PPP1R1C: variants seen among roughly 807,000 people sequenced by gnomAD.
PPP1R1C encodes the protein protein phosphatase 1 regulatory subunit 1C.
In PPP1R1C, 15 loss-of-function variants were observed where a neutral mutation model predicts 17.4. That is an observed-to-expected ratio of 0.86 (90% CI 0.58 to 1.33). The LOEUF (loss-of-function observed/expected upper bound fraction) is 1.33. Ranked by LOEUF, PPP1R1C falls within the 40% of genes most tolerant of loss-of-function variation. The pLI is 0.00. For synonymous variants in PPP1R1C, 35 were observed against 43.1 expected (o/e 0.81, Z 0.73); for missense variants, 143 against 130.0 (o/e 1.10, Z -0.48).
At chr2:182,119,928 GT>G (rs1488957019), downstream of PPP1R1C, among the ~76,000 whole-genome samples, 1 of 152,124 alleles carries the variant, frequency 6.6e-6, no homozygotes, top group East Asian at 1.9e-4. Context: ...CCATTTGTCA[GT>G]TTTGGCTTTT....
In PPP1R1C at chr2:181,986,057, T is replaced by C; in HGVS notation, c.-54T>C. Reference sequence around the variant, plus strand: ...TGAGGAAACACATCCCGGACACCACTTAGGGTTAGTCTTTCTGAGCTCTTC... The same window carrying C: ...TGAGGAAACACATCCCGGACACCACCTAGGGTTAGTCTTTCTGAGCTCTTC... On this transcript the variant is annotated 5_prime_UTR_variant, in exon 1 of 5. Transcript: ENST00000682840. The C allele has an allele frequency of 7.1e-7, 1 of 1,402,790 alleles. No individual in the cohort carries two copies. The highest frequency in any genetic ancestry group is 1.0e-6 in the Non-Finnish European group (1 of 987,502). 86.9% of individuals were successfully genotyped at this position (1,402,790 alleles called of 1,614,324 possible). A position where few individuals can be genotyped will look rare whatever the true frequency, so the allele number is the denominator to read the frequency against.
chr2:181,998,576 G>C (rs950112747), intron 2 of PPP1R1C, among the ~76,000 whole-genome samples: 1 of 152,182 alleles, frequency 6.6e-6, no homozygotes, highest in Non-Finnish European at 1.5e-5. Flanking sequence ...GCTGAGGCTT[G>C]ATTAAAAGGA....
chr2:182,096,996 C>A (rs924404931), intron 4 of PPP1R1C, among the ~76,000 whole-genome samples: 1 of 152,160 alleles, frequency 6.6e-6, no homozygotes, highest in Admixed American at 6.5e-5. Context: ...GACTGGAATC[C>A]TAAAACTGGG....
At chr2:182,126,460 A>G (rs533946695) in intron 5 of PPP1R1C, among the ~76,000 whole-genome samples, 27 of 152,168 alleles carry the variant, frequency 1.8e-4, no homozygotes, top group African/African-American at 5.8e-4. Context: ...TTAAATTGTT[A>G]GATTTTATAA....
intron 4 of PPP1R1C, among the ~76,000 whole-genome samples, chr2:182,071,832 A>G (rs1268981264): frequency 2.0e-5 from 3 of 152,124 alleles, no homozygotes; most frequent in Non-Finnish European, 4.4e-5. Context: ...AACTTTTTCC[A>G]TTGACTCCTG....
chr2:182,063,036 G>A (rs1351473722), intron 3 of PPP1R1C, among the ~76,000 whole-genome samples: 1 of 151,956 alleles, frequency 6.6e-6, no homozygotes, highest in Non-Finnish European at 1.5e-5. Context: ...CCATTATATA[G>A]GGCTCTGTAT....
At chr2:182,112,486 A>G (rs1157213200) in intron 4 of PPP1R1C, among the ~76,000 whole-genome samples, 1 of 152,156 alleles carries the variant, frequency 6.6e-6, no homozygotes, top group African/African-American at 2.4e-5. Context: ...TTGAGTCACC[A>G]TAGTTTTCTC....
At chr2:182,035,231 A>T (rs779645420) in intron 2 of PPP1R1C, among the ~76,000 whole-genome samples, 2 of 152,236 alleles carry the variant, frequency 1.3e-5, no homozygotes, top group Non-Finnish European at 2.9e-5. Flanking sequence ...AGTTTATAGC[A>T]TGAATGAATG....
intron 2 of PPP1R1C, among the ~76,000 whole-genome samples, chr2:182,002,402 G>A (rs1356347864): frequency 6.6e-6 from 1 of 151,906 alleles, no homozygotes; most frequent in Non-Finnish European, 1.5e-5. Flanking sequence ...AATAAAAAAC[G>A]ATTACCTGCT....
At chr2:182,108,954 G>T (rs991613939) in intron 4 of PPP1R1C, among the ~76,000 whole-genome samples, 1 of 152,154 alleles carries the variant, frequency 6.6e-6, no homozygotes, top group Non-Finnish European at 1.5e-5. Context: ...TCTCAAAGTT[G>T]CTGTACTATT....
At chr2:182,100,403 G>A (rs957845261) in intron 4 of PPP1R1C, among the ~76,000 whole-genome samples, 10 of 151,946 alleles carry the variant, frequency 6.6e-5, no homozygotes, top group Admixed American at 1.3e-4. Flanking sequence ...CCAGCTACTC[G>A]GGAGGCTGAG....
At chr2:182,124,327 G>GTTTTTTTTTTTTTTTTTTTTTTTTTTTT (rs1294464668) in intron 5 of PPP1R1C, among the ~76,000 whole-genome samples, 22 of 82,978 alleles carry the variant, frequency 2.7e-4, no homozygotes, top group Non-Finnish European at 3.4e-4. Context: ...TTTTTTTTTT[G>GTTTTTTTTTTTTTTTTTTTTTTTTTTTT]TTTTTTTTTT....
intron 2 of PPP1R1C, among the ~76,000 whole-genome samples, chr2:182,028,955 A>G (rs1169529774): frequency 7.7e-6 from 1 of 129,048 alleles, no homozygotes; most frequent in Non-Finnish European, 1.7e-5. Context: ...TGATCCCTTT[A>G]CCATTATGTA....
At position 181,961,999 on chromosome 2, in the gene PPP1R1C, T is replaced by C; in HGVS notation, n.111+7365T>C. 4.1e-6 allele frequency: 3 copies of C among 732,412 alleles called. No individual in the cohort carries two copies. The highest frequency in any genetic ancestry group is 2.5e-6 in the Non-Finnish European group (1 of 396,458). 45.4% of individuals were successfully genotyped at this position (732,412 alleles called of 1,614,324 possible). ...CATACTTGACTCTAAAGTCATCGGC[T>C]GCAAGACAGGCATTGTCAATCTGCA... On this transcript the variant is annotated intron_variant and non_coding_transcript_variant, in intron 1 of 5. Coordinates refer to the PPP1R1C transcript ENST00000464264. This position sits in a 1 kb window ranked among gnomAD's most constrained non-coding sequence, Gnocchi z 5.8.
Position 181,957,975 on chromosome 2 carries a change from A to C in PPP1R1C, n.111+3341A>C, listed in dbSNP as rs930884791. ...TAATTCCTAAGAGGGACTGAGTAATAATGAAAGTAGATTGAAGTATTTTGA... is the reference window on the plus strand; with the variant it reads ...TAATTCCTAAGAGGGACTGAGTAATCATGAAAGTAGATTGAAGTATTTTGA... On this transcript the variant is annotated intron_variant and non_coding_transcript_variant, in intron 1 of 5. Coordinates refer to the PPP1R1C transcript ENST00000464264. This position sits in a 1 kb window ranked among gnomAD's most constrained non-coding sequence, Gnocchi z 4.2. Among the ~76,000 whole-genome samples, 3 of 152,212 alleles carry C rather than the reference A, an allele frequency of 2.0e-5. No individual in the cohort carries two copies. Among genetic ancestry groups the C allele is most frequent in the Non-Finnish European group, 4.4e-5 (3 of 68,036 alleles).
intron 1 of PPP1R1C, among the ~76,000 whole-genome samples, chr2:181,955,388 T>A (rs890004478): frequency 3.3e-5 from 5 of 152,128 alleles, no homozygotes; most frequent in African/African-American, 1.2e-4. Context: ...CAAATACAAT[T>A]TTTTTTTCCA....
intron 2 of PPP1R1C, among the ~76,000 whole-genome samples, chr2:182,056,746 TTA>T (rs904855364): frequency 6.6e-6 from 1 of 152,188 alleles, no homozygotes; most frequent in African/African-American, 2.4e-5. Flanking sequence ...TTCTGTAAAA[TTA>T]TATGTTTGAT....
chr2:182,011,606 A>G (rs1395038831), intron 2 of PPP1R1C, among the ~76,000 whole-genome samples: 1 of 151,728 alleles, frequency 6.6e-6, no homozygotes, highest in African/African-American at 2.4e-5. Context: ...CATTTGTTTC[A>G]ATTCCATTTT....
In PPP1R1C at chr2:181,978,564, G is replaced by A. The variant is rs562149104; in HGVS notation, n.157+3300G>A. 8.7e-4 allele frequency among the ~76,000 whole-genome samples: 132 copies of A among 152,306 alleles called. 1 individual carries two copies. Among genetic ancestry groups the A allele is most frequent in the African/African-American group, 3.0e-3 (126 of 41,570 alleles). Reference sequence around the variant, plus strand: ...GTGCCCACTGGAGTACTCACAGGTGGTCTCCATGTGGCTTTGCCTTCTTCA... The same window carrying A: ...GTGCCCACTGGAGTACTCACAGGTGATCTCCATGTGGCTTTGCCTTCTTCA... On this transcript the variant is annotated intron_variant and non_coding_transcript_variant, in intron 2 of 5. Transcript: ENST00000464264.
Sources: allele counts gnomAD v4.1 joint callset (sites outside exome capture counted in the v4.1 genomes callset), GRCh38; gene constraint gnomAD v4.1.1; non-coding constraint Gnocchi (gnomAD v3.1); transcripts MANE v1.5; gene names NCBI Gene and HGNC (gene_info 2026-07-23, HGNC 2026-07-21).